Variants in CAPSL observed in about 807,000 individuals in gnomAD.
The protein encoded by CAPSL is calcyphosin-like protein.
A neutral mutation model predicts 21.3 loss-of-function variants in CAPSL; 17 were observed. The observed-to-expected ratio is 0.80, with a 90% confidence interval of 0.55 to 1.20. The LOEUF (loss-of-function observed/expected upper bound fraction) is 1.20. CAPSL is among the 50% of genes most tolerant of loss of function. CAPSL has a pLI of 0.00. For missense variants in CAPSL, 289 were observed against 259.3 expected (o/e 1.11, Z -0.79); for synonymous variants, 102 against 89.3 (o/e 1.14, Z -0.80).
In CAPSL at chr5:35,921,269, T is replaced by A. The variant is rs548690696; in HGVS notation, c.1-149A>T. 79 of 894,740 alleles carry A rather than the reference T, an allele frequency of 8.8e-5. No individual in the cohort carries two copies. In the African/African-American group the frequency reaches 1.2e-3, roughly 14 times the overall value. 55.4% of individuals were successfully genotyped at this position (894,740 alleles called of 1,614,324 possible). ...ATTTCCAATTTTTCTCTATGCCAAC[T>A]GTGTGCCTGGCATATTTATAACTTA... is the stretch of plus-strand genomic sequence containing the variant. On this transcript the variant is annotated intron_variant, in intron 1 of 4. Transcript: ENST00000651391.
At chr5:35,923,323 C>A (rs114239376) in intron 1 of CAPSL, among the ~76,000 whole-genome samples, 1,772 of 152,282 alleles carry the variant, frequency 0.012, 44 homozygotes, top group African/African-American at 0.041. Flanking sequence ...ACCCTCTTTG[C>A]ACACCTTCAG....
chr5:35,936,145 A>G (rs1300788938), intron 1 of CAPSL, among the ~76,000 whole-genome samples: 2 of 152,176 alleles, frequency 1.3e-5, no homozygotes, highest in African/African-American at 4.8e-5. Context: ...ACCACCAGTT[A>G]TGAACAAATT....
In CAPSL at chr5:35,919,170, A is replaced by ATTATATATATATATAT. The variant is rs1554069748; in HGVS notation, c.137+1813_137+1814insATATATATATATATAA. On this transcript the variant is annotated intron_variant, in intron 2 of 4. Transcript: ENST00000651391. The stretch of plus-strand genomic sequence containing the variant: ...AGTATCTTTCCTGATTAAAAAAAAA[A>ATTATATATATATATAT]ATATATATATATATATATATAAAAA... Among the ~76,000 whole-genome samples the ATTATATATATATATAT allele has an allele frequency of 6.6e-4, 80 of 121,262 alleles. 1 individual carries two copies. Among genetic ancestry groups the ATTATATATATATATAT allele is most frequent in the Middle Eastern group, 4.3e-3 (1 of 230 alleles). The allele number at this position is 121,262 out of a possible 152,430, so 79.6% of individuals were successfully genotyped here. A position where few individuals can be genotyped will look rare whatever the true frequency, so the allele number is the denominator to read the frequency against.
Position 35,911,646 on chromosome 5 carries a change from T to G in CAPSL, c.138-1103A>C, listed in dbSNP as rs150518413. Among the ~76,000 whole-genome samples the G allele has an allele frequency of 6.9e-3, 1,043 of 152,240 alleles. 13 individuals carry two copies. The highest frequency in any genetic ancestry group is 0.022 in the African/African-American group (934 of 41,530). On this transcript the variant is annotated intron_variant, in intron 2 of 4. Coordinates refer to ENST00000651391, the MANE Select transcript of CAPSL (RefSeq NM_001042625.2). Reference sequence around the variant, plus strand: ...GAGATCTTGAAACAGAAAAGGACACTAGGTAAAAACTACGGAAGTATGAAT... The same window carrying G: ...GAGATCTTGAAACAGAAAAGGACACGAGGTAAAAACTACGGAAGTATGAAT...
intron 4 of CAPSL, 121 bp from the exon 5 acceptor site, chr5:35,904,767 G>A: frequency 7.1e-7 from 1 of 1,410,380 alleles, no homozygotes; most frequent in Admixed American, 2.6e-5. Flanking sequence ...TGTGATCATG[G>A]CTGAGGAACT....
chr5:35,909,971 A>AG lies in CAPSL; in HGVS notation c.419_420insC (p.Asn141Ter). On this transcript the variant is annotated frameshift_variant, in exon 4 of 5. Transcript: ENST00000651391. LOFTEE classifies it high-confidence loss of function. ...GGTACTTTGGGTGGTGTTTTGCATT[A>AG]TATACTTCACGAAGGTCTTCGATTG... The AG allele has an allele frequency of 1.2e-6, 2 of 1,613,890 alleles. No individual in the cohort carries two copies. Among genetic ancestry groups the AG allele is most frequent in the Non-Finnish European group, 1.7e-6 (2 of 1,179,922 alleles).
At chr5:35,935,475 G>A (rs555707471) in intron 1 of CAPSL, among the ~76,000 whole-genome samples, 1 of 151,732 alleles carries the variant, frequency 6.6e-6, no homozygotes, top group South Asian at 2.1e-4. Flanking sequence ...TAGGACTACA[G>A]GTGCACACCA....
At chr5:35,916,166 G>A (rs59168733) in intron 2 of CAPSL, among the ~76,000 whole-genome samples, 3 of 151,854 alleles carry the variant, frequency 2.0e-5, no homozygotes, top group African/African-American at 7.3e-5. Context: ...GGGATGTGAA[G>A]GACCTCTTCA....
At chr5:35,927,781 C>A (rs1220265231) in intron 1 of CAPSL, among the ~76,000 whole-genome samples, 3 of 152,134 alleles carry the variant, frequency 2.0e-5, no homozygotes, top group African/African-American at 7.2e-5. Context: ...TGTCTGAAGG[C>A]AATTAATGGA....
Position 35,910,556 on chromosome 5 carries a change from C to T in CAPSL, c.138-13G>A. 1 of 1,564,896 alleles carries T rather than the reference C, an allele frequency of 6.4e-7. No homozygotes were observed. Among genetic ancestry groups the T allele is most frequent in the Admixed American group, 1.8e-5 (1 of 56,286 alleles). ...AATTCTAAACACTCTGAAGAAAATA[C>T]ACACAAAAATTCAGAAGAAATGTAC... On this transcript the variant is annotated splice_polypyrimidine_tract_variant and intron_variant, in intron 2 of 4. Transcript: ENST00000651391.
chr5:35,919,891 A>G (rs1209185184), intron 2 of CAPSL, among the ~76,000 whole-genome samples: 1 of 152,204 alleles, frequency 6.6e-6, no homozygotes, highest in Non-Finnish European at 1.5e-5. Flanking sequence ...CACAGGTAGC[A>G]GGAGGGATTC....
chr5:35,904,447 G>A lies in CAPSL; in HGVS notation c.*98C>T, dbSNP rs1410354240. On this transcript the variant is annotated 3_prime_UTR_variant, in exon 5 of 5. Coordinates refer to ENST00000651391, the MANE Select transcript of CAPSL (RefSeq NM_001042625.2). ...ATTTTGACACAGAAAAAAACATTAG[G>A]ATGAGTGTGAAATCAAATACGATTC... The A allele has an allele frequency of 1.7e-5, 15 of 873,804 alleles. No individual in the cohort carries two copies. The Admixed American group carries it at 3.6e-4, about 21-fold the overall frequency. The allele number at this position is 873,804 out of a possible 1,614,324, so 54.1% of individuals were successfully genotyped here. A position where few individuals can be genotyped will look rare whatever the true frequency, so the allele number is the denominator to read the frequency against.
rs181455935 is a variant in CAPSL at position 35,912,048 on chromosome 5, G to A, written c.138-1505C>T. On this transcript the variant is annotated intron_variant, in intron 2 of 4. Transcript: ENST00000651391. ...TTTTCCAACAGTCTTAGCAAACGGCGCACCAGGAGATTATATCCTGCACCT... is the reference window on the plus strand; with the variant it reads ...TTTTCCAACAGTCTTAGCAAACGGCACACCAGGAGATTATATCCTGCACCT... Among the ~76,000 whole-genome samples, 33 of 152,288 alleles carry A rather than the reference G, an allele frequency of 2.2e-4. No homozygotes were observed. In the East Asian group the frequency reaches 4.6e-3, roughly 21 times the overall value.
chr5:35,938,220 C>T (rs570290176), intron 1 of CAPSL, among the ~76,000 whole-genome samples: 2 of 152,158 alleles, frequency 1.3e-5, no homozygotes, highest in Non-Finnish European at 2.9e-5. Flanking sequence ...AGCAATTCAC[C>T]CAAACCCTTC....
chr5:35,905,294 T>G (rs73094019), intron 4 of CAPSL, among the ~76,000 whole-genome samples: 3,335 of 152,250 alleles, frequency 0.022, 120 homozygotes, highest in African/African-American at 0.076. Flanking sequence ...TTACTTTCCT[T>G]TGGGGAAGGA....
At chr5:35,930,630 G>A (rs1044252295) in intron 1 of CAPSL, among the ~76,000 whole-genome samples, 12 of 152,162 alleles carry the variant, frequency 7.9e-5, no homozygotes, top group African/African-American at 2.2e-4. Flanking sequence ...CTGCATTAAT[G>A]CATGTTTATT....
At chr5:35,922,429 T>A (rs1410167073) in intron 1 of CAPSL, among the ~76,000 whole-genome samples, 1 of 152,080 alleles carries the variant, frequency 6.6e-6, no homozygotes, top group East Asian at 1.9e-4. Context: ...GTATTCAGAT[T>A]CCCAGTATGT....
intron 2 of CAPSL, among the ~76,000 whole-genome samples, chr5:35,919,166 A>T (rs1431590460): frequency 8.1e-4 from 94 of 116,740 alleles, no homozygotes; most frequent in African/African-American, 3.1e-3. Flanking sequence ...TGATTAAAAA[A>T]AAAAATATAT....
At chr5:35,919,160 T>TTTA (rs139738118) in intron 2 of CAPSL, among the ~76,000 whole-genome samples, 32 of 129,184 alleles carry the variant, frequency 2.5e-4, no homozygotes, top group South Asian at 8.5e-4. Context: ...CTTTCCTGAT[T>TTTA]AAAAAAAAAA....
Sources: allele counts gnomAD v4.1 joint callset (sites outside exome capture counted in the v4.1 genomes callset), GRCh38; gene constraint gnomAD v4.1.1; transcripts MANE v1.5; gene names NCBI Gene and HGNC (gene_info 2026-07-23, HGNC 2026-07-21).